The following GRM8 variants were observed in gnomAD, a reference collection of about 807,000 sequenced individuals.
GRM8 encodes metabotropic glutamate receptor 8.
In GRM8, 47 loss-of-function variants were observed where a neutral mutation model predicts 87.2. The observed-to-expected ratio is 0.54, with a 90% confidence interval of 0.43 to 0.69. The LOEUF (loss-of-function observed/expected upper bound fraction) is 0.69. Among genes scored for constraint, GRM8 ranks in the 30% least tolerant of loss-of-function variants. GRM8 has a pLI of 0.00. For missense variants in GRM8, 1,019 were observed against 1,139.2 expected, an observed-to-expected ratio of 0.89 and a Z score of 1.52; for synonymous variants, 396 against 404.5, an observed-to-expected ratio of 0.98 and a Z score of 0.25.
chr7:126,596,579 G>A (rs757331990), intron 8 of GRM8, among the ~76,000 whole-genome samples: 3 of 152,158 alleles, frequency 2.0e-5, no homozygotes, highest in Admixed American at 1.3e-4. Context: ...GGGGAGTGAG[G>A]CATATGGGAG....
At chr7:126,852,856 T>C (rs1490785915) in intron 6 of GRM8, among the ~76,000 whole-genome samples, 1 of 152,292 alleles carries the variant, frequency 6.6e-6, no homozygotes, top group African/African-American at 2.4e-5. Context: ...AAAAAATGGA[T>C]AAAATTTTAC....
rs368238435 is a variant in GRM8, at chr7:126,922,490, G to A, written c.728-17807C>T. 5.9e-5 allele frequency among the ~76,000 whole-genome samples: 9 copies of A among 152,170 alleles called. No homozygotes were observed. The East Asian group carries it at 1.3e-3, about 23-fold the overall frequency. On this transcript the variant is annotated intron_variant, in intron 3 of 10. Coordinates refer to ENST00000339582, the MANE Select transcript of GRM8 (RefSeq NM_000845.3). ...AATGGAGACAAATACCAGAAAAAGA[G>A]CTAAAGGGGTTGGAAATAATTGTTC...
At chr7:126,716,635 T>C (rs1811777454) in intron 7 of GRM8, among the ~76,000 whole-genome samples, 1 of 152,178 alleles carries the variant, frequency 6.6e-6, no homozygotes. Context: ...GTCCAAAACT[T>C]CTACTCTGTT....
rs79977563 is a variant in GRM8 at position 127,100,105 on chromosome 7, C to T, written c.727+6391G>A. On this transcript the variant is annotated intron_variant, in intron 3 of 10. Transcript: ENST00000339582. The stretch of plus-strand genomic sequence containing the variant: ...GATTCTCTCCTACAAATTTCAGAAG[C>T]AACCACCTTAATTTTTTATTTCTAG... 3.3e-3 allele frequency among the ~76,000 whole-genome samples: 508 copies of T among 152,242 alleles called. 6 individuals carry two copies. The highest frequency in any genetic ancestry group is 0.012 in the African/African-American group (490 of 41,540).
At chr7:126,860,652 TA>T (rs1312329613) in intron 6 of GRM8, among the ~76,000 whole-genome samples, 1 of 152,154 alleles carries the variant, frequency 6.6e-6, no homozygotes, top group Non-Finnish European at 1.5e-5. Flanking sequence ...AGTTTGTAGA[TA>T]TTAACTCCAA....
chr7:126,743,785 A>T (rs1323198920), intron 7 of GRM8, among the ~76,000 whole-genome samples: 1 of 152,130 alleles, frequency 6.6e-6, no homozygotes, highest in Non-Finnish European at 1.5e-5. Context: ...TGTAGTCCAC[A>T]GATCCCTAGG....
At chr7:126,743,587 T>G (rs1011703449) in intron 7 of GRM8, among the ~76,000 whole-genome samples, 7 of 152,164 alleles carry the variant, frequency 4.6e-5, no homozygotes, top group Non-Finnish European at 1.0e-4. Context: ...GGTATTACTT[T>G]TAAAAATTTA....
intron 6 of GRM8, among the ~76,000 whole-genome samples, chr7:126,830,409 T>A (rs1004839687): frequency 3.9e-5 from 6 of 152,200 alleles, no homozygotes; most frequent in African/African-American, 1.4e-4. Flanking sequence ...TTTCTTTTTA[T>A]TATTTTTTCT....
chr7:127,089,494 T>C (rs576962927), intron 3 of GRM8, among the ~76,000 whole-genome samples: 1 of 152,308 alleles, frequency 6.6e-6, no homozygotes, highest in South Asian at 2.1e-4. Context: ...CAGCTGCTGG[T>C]GGCCATCTTC....
At chr7:126,568,761 CTTAAAA>C (rs1042720729) in intron 8 of GRM8, among the ~76,000 whole-genome samples, 10 of 152,164 alleles carry the variant, frequency 6.6e-5, no homozygotes, top group African/African-American at 2.4e-4. Flanking sequence ...TTTTGATAAT[CTTAAAA>C]TTAAATCAAA....
intron 7 of GRM8, among the ~76,000 whole-genome samples, chr7:126,744,186 G>A (rs1053796961): frequency 2.0e-5 from 3 of 151,950 alleles, no homozygotes; most frequent in Non-Finnish European, 4.4e-5. Flanking sequence ...GAGGGGTGGG[G>A]GAGCATTTAT....
chr7:127,042,017 G>A (rs777586435), intron 3 of GRM8, among the ~76,000 whole-genome samples: 14 of 152,112 alleles, frequency 9.2e-5, no homozygotes, highest in East Asian at 1.9e-4. Flanking sequence ...TTGGGCCTCC[G>A]TTCATCTTGG....
chr7:127,170,758 G>C (rs1793747948), intron 2 of GRM8, among the ~76,000 whole-genome samples: 3 of 152,164 alleles, frequency 2.0e-5, no homozygotes, highest in Admixed American at 6.5e-5. Context: ...ACCAAACATT[G>C]TATGTTCTCA....
chr7:126,797,875 A>G (rs909404061), intron 6 of GRM8, among the ~76,000 whole-genome samples: 3 of 152,128 alleles, frequency 2.0e-5, no homozygotes, highest in Non-Finnish European at 2.9e-5. Context: ...CTCAAGCCCA[A>G]TACTATCTAA....
At chr7:126,752,667 ACTTT>A (rs1283025677) in intron 7 of GRM8, among the ~76,000 whole-genome samples, 4 of 152,098 alleles carry the variant, frequency 2.6e-5, no homozygotes, top group African/African-American at 7.2e-5. Context: ...GAAATAATAT[ACTTT>A]TTAGCACAAA....
At chr7:126,797,536 A>T (rs1275124066) in intron 6 of GRM8, among the ~76,000 whole-genome samples, 1 of 152,038 alleles carries the variant, frequency 6.6e-6, no homozygotes, top group Admixed American at 6.6e-5. Flanking sequence ...ATTCATTAGG[A>T]CTGCAGCCAG....
chr7:126,705,512 A>G (rs1447856517), intron 7 of GRM8, among the ~76,000 whole-genome samples: 1 of 152,172 alleles, frequency 6.6e-6, no homozygotes, highest in Admixed American at 6.5e-5. Flanking sequence ...ACATAGATCT[A>G]TGTGTGGACA....
intron 3 of GRM8, among the ~76,000 whole-genome samples, chr7:127,022,574 CA>C (rs1337557706): frequency 2.0e-5 from 3 of 151,750 alleles, no homozygotes; most frequent in Non-Finnish European, 2.9e-5. Context: ...CGCTTCAGGC[CA>C]AAAGGTATGT....
intron 7 of GRM8, among the ~76,000 whole-genome samples, chr7:126,625,391 C>G (rs1489128473): frequency 6.6e-6 from 1 of 151,536 alleles, no homozygotes; most frequent in Non-Finnish European, 1.5e-5. Context: ...AATGTGTGCC[C>G]AATTTTAGGT....
Sources: gnomAD v4.1 joint callset for allele counts (sites outside exome capture counted in the v4.1 genomes callset) on GRCh38, gnomAD v4.1.1 for gene constraint, MANE v1.5 for transcripts, NCBI Gene and HGNC (gene_info 2026-07-23, HGNC 2026-07-21) for gene names.